TSNARE1: variants seen among roughly 807,000 people sequenced by gnomAD.
TSNARE1 encodes t-SNARE domain-containing protein 1.
In TSNARE1, 49 loss-of-function variants were observed where a neutral mutation model predicts 62.0. The ratio of observed to expected loss-of-function variants is 0.79; its 90% CI spans 0.63 to 1.00. TSNARE1 has a LOEUF of 1.00. Among genes scored for constraint, TSNARE1 ranks in the 50% least tolerant of loss-of-function variants. TSNARE1 has a pLI of 0.00. For missense variants in TSNARE1, 755 were observed against 700.1 expected, an observed-to-expected ratio of 1.08 and a Z score of -0.88; for synonymous variants, 328 against 294.4, an observed-to-expected ratio of 1.11 and a Z score of -1.17.
At chr8:142,288,825 C>T (rs909503935) in intron 10 of TSNARE1, among the ~76,000 whole-genome samples, 2 of 152,268 alleles carry the variant, frequency 1.3e-5, no homozygotes, top group Non-Finnish European at 2.9e-5. Flanking sequence ...CCACAGCCAG[C>T]GCGGGGGACA....
intron 3 of TSNARE1, among the ~76,000 whole-genome samples, chr8:142,344,800 C>T (rs1007849294): frequency 6.6e-6 from 1 of 152,224 alleles, no homozygotes; most frequent in African/African-American, 2.4e-5. Context: ...GGCCCTGGAC[C>T]CTCTCCAGGG....
At chr8:142,271,400 C>T (rs1586917189) in intron 12 of TSNARE1, 2 of 1,239,128 alleles carry the variant, frequency 1.6e-6, no homozygotes, top group Non-Finnish European at 2.0e-6. Context: ...GCCCTGCTGC[C>T]GGTGGGAGTC....
chr8:142,268,628 TG>T (rs1230863877), intron 12 of TSNARE1, among the ~76,000 whole-genome samples: 2 of 126,594 alleles, frequency 1.6e-5, no homozygotes, highest in East Asian at 7.7e-4. Flanking sequence ...GCTGAAGCCG[TG>T]TTTTCCAGCT....
At chr8:142,367,489 G>GA (rs1246390433) in intron 1 of TSNARE1, among the ~76,000 whole-genome samples, 3 of 124,146 alleles carry the variant, frequency 2.4e-5, no homozygotes, top group Non-Finnish European at 3.2e-5. Flanking sequence ...CAAATCTACA[G>GA]AAACAGAAAG....
At chr8:142,273,213 T>C (rs1444905917) in intron 12 of TSNARE1, 2 of 985,130 alleles carry the variant, frequency 2.0e-6, no homozygotes, top group Non-Finnish European at 2.4e-6. Flanking sequence ...TCTTCCTCAC[T>C]GTCCCATCGT....
At chr8:142,348,757 T>G (rs1046087088) in intron 2 of TSNARE1, among the ~76,000 whole-genome samples, 1 of 151,874 alleles carries the variant, frequency 6.6e-6, no homozygotes, top group Non-Finnish European at 1.5e-5. Context: ...GACAGCTACA[T>G]GTCCTAGCTG....
At chr8:142,382,661 G>A (rs1189814826) in intron 1 of TSNARE1, among the ~76,000 whole-genome samples, 2 of 152,206 alleles carry the variant, frequency 1.3e-5, no homozygotes, top group Non-Finnish European at 2.9e-5. Context: ...CCATAAGGAG[G>A]AGGGGACCCA....
intron 13 of TSNARE1, among the ~76,000 whole-genome samples, chr8:142,220,881 A>G (rs1443055231): frequency 6.6e-6 from 1 of 152,226 alleles, no homozygotes; most frequent in African/African-American, 2.4e-5. Flanking sequence ...CCCTGGCAGT[A>G]CCACAGAAGA....
At chr8:142,297,000 G>A (rs1046346289) in intron 10 of TSNARE1, among the ~76,000 whole-genome samples, 1 of 152,192 alleles carries the variant, frequency 6.6e-6, no homozygotes, top group Non-Finnish European at 1.5e-5. Flanking sequence ...GCTACACTCT[G>A]CCTACGGCCA....
intron 1 of TSNARE1, among the ~76,000 whole-genome samples, chr8:142,380,101 A>C (rs1172501264): frequency 2.0e-5 from 3 of 152,202 alleles, no homozygotes; most frequent in Admixed American, 6.5e-5. Context: ...AGGTGGGTGG[A>C]CACCAAGGCC....
At chr8:142,256,280 TTACCATCATCACCACACCCACCAC>T (rs1818548028) in intron 12 of TSNARE1, among the ~76,000 whole-genome samples, 15 of 71,894 alleles carry the variant, frequency 2.1e-4, no homozygotes, top group South Asian at 5.5e-4. Context: ...ACCACCACCA[TTACCATCATCACCACACCCACCAC>T]CACCATCATC....
intron 1 of TSNARE1, among the ~76,000 whole-genome samples, chr8:142,399,406 G>T (rs899771830): frequency 6.6e-6 from 1 of 152,226 alleles, no homozygotes; most frequent in South Asian, 2.1e-4. Flanking sequence ...GGGTGGGGTG[G>T]CAGACAGGGA....
intron 12 of TSNARE1, chr8:142,273,906 C>T (rs1342576274): frequency 1.0e-6 from 1 of 985,272 alleles, no homozygotes; most frequent in African/African-American, 1.7e-5. Context: ...TCACACCTGC[C>T]TGTGATGTCC....
chr8:142,383,730 T>C (rs1431552899), intron 1 of TSNARE1, among the ~76,000 whole-genome samples: 1 of 151,982 alleles, frequency 6.6e-6, no homozygotes. Context: ...CCCTAGGAGG[T>C]TATCAAGGTG....
chr8:142,392,731 T>C (rs955599819), intron 1 of TSNARE1, among the ~76,000 whole-genome samples: 1 of 151,942 alleles, frequency 6.6e-6, no homozygotes, highest in Non-Finnish European at 1.5e-5. Context: ...GGTCGGGAGT[T>C]TGAGTTTGAG....
At chr8:142,389,974 A>G (rs985018831) in intron 1 of TSNARE1, among the ~76,000 whole-genome samples, 4 of 152,242 alleles carry the variant, frequency 2.6e-5, no homozygotes, top group Non-Finnish European at 4.4e-5. Context: ...CTATTGCTCC[A>G]GGCTATAAAC....
At chr8:142,227,846 T>C (rs759761810) in intron 13 of TSNARE1, among the ~76,000 whole-genome samples, 13 of 152,208 alleles carry the variant, frequency 8.5e-5, no homozygotes, top group Non-Finnish European at 1.0e-4. Context: ...GGCTACAGGA[T>C]AAATTTAGAT....
intron 11 of TSNARE1, among the ~76,000 whole-genome samples, chr8:142,280,936 G>A (rs1034519472): frequency 1.3e-5 from 2 of 152,184 alleles, no homozygotes; most frequent in Non-Finnish European, 2.9e-5. Flanking sequence ...GGCTCCGAGG[G>A]GATTGAGGGG....
chr8:142,406,299 G>C (rs7462663), upstream of TSNARE1: 125,022 of 152,366 alleles, frequency 0.82, 51,360 homozygotes, highest in Middle Eastern at 0.86. Context: ...TTCTGTAACT[G>C]AAGCCAGTGC....
Sources: gnomAD v4.1 joint callset for allele counts (sites outside exome capture counted in the v4.1 genomes callset) on GRCh38, gnomAD v4.1.1 for gene constraint, MANE v1.5 for transcripts, NCBI Gene and HGNC (gene_info 2026-07-23, HGNC 2026-07-21) for gene names.